The following ZNF212 variants were observed in gnomAD, a reference collection of about 807,000 sequenced individuals.
ZNF212 encodes the protein zinc finger protein 212.
A neutral mutation model predicts 47.3 loss-of-function variants in ZNF212; 32 were observed. The ratio of observed to expected loss-of-function variants is 0.68; its 90% CI spans 0.51 to 0.91. The LOEUF (loss-of-function observed/expected upper bound fraction) is 0.91, where lower values mean the gene tolerates loss of function less well. ZNF212 is among the 40% of genes least tolerant of loss of function. The pLI is 0.00. For missense variants in ZNF212, 555 were observed against 622.8 expected (o/e 0.89, Z 1.16); for synonymous variants, 242 against 253.8 (o/e 0.95, Z 0.44).
Position 149,239,794 on chromosome 7 carries a change from C to T in ZNF212, c.16C>T (p.Pro6Ser), listed in dbSNP as rs199599854. 23 of 1,273,914 alleles carry T rather than the reference C, an allele frequency of 1.8e-5. No individual in the cohort carries two copies. In the African/African-American group the frequency reaches 2.6e-4, roughly 14 times the overall value. 78.9% of individuals were successfully genotyped at this position (1,273,914 alleles called of 1,614,324 possible). Residue 6 changes from proline (P) to serine (S), a missense_variant, in exon 1 of 5, where the codon CCT (proline) becomes TCT (serine). Physicochemically the swap from Pro to Ser is moderately conservative, Grantham distance 74 (BLOSUM62 -1). Transcript: ENST00000335870. MAESA[P>S]ARHRRKRRST... ...GACTGGAGCCATGGCGGAGTCGGCG[C>T]CTGCTCGGGTAAAGAGGCACCGGCG...
intron 2 of ZNF212, 50 bp downstream of exon 2, chr7:149,250,598 T>A: frequency 6.2e-7 from 1 of 1,605,766 alleles, no homozygotes; most frequent in South Asian, 1.1e-5. Flanking sequence ...AGCCAGCCCT[T>A]TAATATGTAA....
At chr7:149,243,316 C>T (rs1327539058) in intron 1 of ZNF212, among the ~76,000 whole-genome samples, 1 of 151,700 alleles carries the variant, frequency 6.6e-6, no homozygotes, top group East Asian at 1.9e-4. Context: ...TGGCGTGAAC[C>T]CAGGAGGCGG....
intron 1 of ZNF212, among the ~76,000 whole-genome samples, chr7:149,240,596 T>C (rs1249586112): frequency 6.6e-6 from 1 of 152,206 alleles, no homozygotes; most frequent in Non-Finnish European, 1.5e-5. Flanking sequence ...CTAGATGATC[T>C]CCAAGGCTTT....
chr7:149,250,872 G>A (rs1585596083), intron 3 of ZNF212, 65 bp downstream of exon 3: 3 of 1,600,146 alleles, frequency 1.9e-6, no homozygotes, highest in East Asian at 4.5e-5. Context: ...CTGGCAGCCT[G>A]TAATTCAGAC....
chr7:149,241,715 G>T (rs1242785624), intron 1 of ZNF212, among the ~76,000 whole-genome samples: 1 of 152,172 alleles, frequency 6.6e-6, no homozygotes, highest in Non-Finnish European at 1.5e-5. Flanking sequence ...ATAGAGTTCT[G>T]AAGCCAACTT....
intron 1 of ZNF212, among the ~76,000 whole-genome samples, chr7:149,240,918 A>T (rs1796578619): frequency 6.6e-6 from 1 of 152,230 alleles, no homozygotes; most frequent in Admixed American, 6.5e-5. Flanking sequence ...TTTGCTTTCA[A>T]GGAAGTTAAC....
Position 149,254,197 on chromosome 7 carries a change from C to T in ZNF212, c.1270C>T (p.Arg424Trp), listed in dbSNP as rs542031669. ...LPGHIPWRKS[R>W]SSLICGYCGK... ...TGGCCACATCCCTTGGAGGAAAAGC[C>T]GGAGTTCCCTCATCTGTGGTTACTG... Residue 424 changes from arginine to tryptophan, a missense_variant, in exon 5 of 5, where the codon CGG (arginine) becomes TGG (tryptophan). Coordinates refer to ENST00000335870, the MANE Select transcript of ZNF212 (RefSeq NM_012256.4). This position sits in a 1 kb window ranked among gnomAD's most constrained non-coding sequence, Gnocchi z 4.5. 1.3e-5 allele frequency: 21 copies of T among 1,614,252 alleles called. No individual in the cohort carries two copies. The highest frequency in any genetic ancestry group is 1.6e-4 in the Middle Eastern group (1 of 6,062).
chr7:149,254,637 C>A lies in ZNF212; in HGVS notation c.*222C>A. Reference sequence around the variant, plus strand: ...CTGCCAAGTTTGCTGTTTCTTGGCACCTTCAGGTCTCTGGTTTTCTCATTC... The same window carrying A: ...CTGCCAAGTTTGCTGTTTCTTGGCAACTTCAGGTCTCTGGTTTTCTCATTC... On this transcript the variant is annotated 3_prime_UTR_variant, in exon 5 of 5. Coordinates refer to ENST00000335870, the MANE Select transcript of ZNF212 (RefSeq NM_012256.4). This position sits in a 1 kb window ranked among gnomAD's most constrained non-coding sequence, Gnocchi z 4.5. 1.6e-6 allele frequency: 1 copy of A among 620,138 alleles called. No homozygotes were observed. The highest frequency in any genetic ancestry group is 2.6e-6 in the Non-Finnish European group (1 of 387,674). The allele number at this position is 620,138 out of a possible 1,614,324, so 38.4% of individuals were successfully genotyped here. A position where few individuals can be genotyped will look rare whatever the true frequency, so the allele number is the denominator to read the frequency against.
intron 4 of ZNF212, 42 bp downstream of exon 4, chr7:149,252,837 C>T (rs1399542954): frequency 6.3e-7 from 1 of 1,596,892 alleles, no homozygotes; most frequent in Non-Finnish European, 8.6e-7. Flanking sequence ...CCATAGCCCT[C>T]TGTAGCCTAG....
chr7:149,253,803 T>C lies in ZNF212; in HGVS notation c.876T>C (p.Ser292=), dbSNP rs1476415438. ...CTGTGGGCTGCCCGAAGCAGAAATC[T>C]CATAGGCAGGTACAGCTGGACCAGG... ...SRTVGCPKQK[S]HRQVQLDQEC... is the part of the protein sequence containing the mutation. Residue 292 remains serine, a synonymous_variant, in exon 5 of 5, where the codon TCT becomes TCC. Coordinates refer to ENST00000335870, the MANE Select transcript of ZNF212 (RefSeq NM_012256.4). 6.2e-7 allele frequency: 1 copy of C among 1,613,942 alleles called. No homozygotes were observed. Among genetic ancestry groups the C allele is most frequent in the Non-Finnish European group, 8.5e-7 (1 of 1,179,960 alleles).
rs932211279 is a variant in ZNF212 at position 149,239,750 on chromosome 7, G to C, written c.-29G>C. The stretch of plus-strand genomic sequence containing the variant: ...ACGCAGCACGGGGGCTCCGAGGCGG[G>C]GTCTGGGTGTTGAGGGGCGACTGGA... On this transcript the variant is annotated 5_prime_UTR_variant, in exon 1 of 5. Transcript: ENST00000335870. The C allele has an allele frequency of 7.8e-7, 1 of 1,278,974 alleles. No homozygotes were observed. Among genetic ancestry groups the C allele is most frequent in the African/African-American group, 1.5e-5 (1 of 65,508 alleles). The allele number at this position is 1,278,974 out of a possible 1,614,324, so 79.2% of individuals were successfully genotyped here.
At position 149,250,750 on chromosome 7, in the gene ZNF212, C is replaced by T. The variant is rs1311954839; in HGVS notation, c.484C>T (p.Gln162Ter). Residue 162 changes from glutamine (Q) to a stop codon, truncating the protein, a stop_gained, in exon 3 of 5, where the codon CAG becomes TAG. Transcript: ENST00000335870. LOFTEE classifies it high-confidence loss of function. Reference protein sequence around the residue: ...EQEWENLEDWQKELYRNVMES... With the variant: ...EQEWENLEDW ...GGAATGGGAGAATCTGGAGGATTGG[C>T]AGAAGGAGCTCTACAGAAACGTGAT... is the stretch of plus-strand genomic sequence containing the variant. The T allele has an allele frequency of 6.2e-7, 1 of 1,614,068 alleles. No homozygotes were observed. Among genetic ancestry groups the T allele is most frequent in the Non-Finnish European group, 8.5e-7 (1 of 1,180,048 alleles).
Position 149,253,966 on chromosome 7 carries a change from G to A in ZNF212, c.1039G>A (p.Glu347Lys), listed in dbSNP as rs1258495254. 6.2e-7 allele frequency: 1 copy of A among 1,613,862 alleles called. No individual in the cohort carries two copies. Among genetic ancestry groups the A allele is most frequent in the Non-Finnish European group, 8.5e-7 (1 of 1,179,976 alleles). ...CTCTGGGTGGGGGTCTTGTACACCT[G>A]AGGAGCCAGAGGAGAGCCTTAGGCC... The part of the protein sequence containing the change: ...SHSGWGSCTP[E>K]EPEESLRPRP... The change falls in exon 5 of 5, where the codon GAG (glutamate) becomes AAG (lysine). Residue 347 changes from glutamate (E) to lysine (K), a missense_variant. Glu to Lys is a moderately conservative substitution (Grantham distance 56). Coordinates refer to ENST00000335870, the MANE Select transcript of ZNF212 (RefSeq NM_012256.4).
chr7:149,250,350 C>A lies in ZNF212; in HGVS notation c.216C>A (p.Ala72=), dbSNP rs766669626. The part of the protein sequence containing the change: ...LQSLEGRTGT[A]EKKLADCEKM... The stretch of plus-strand genomic sequence containing the variant: ...GCCTGGAGGGGCGCACGGGGACAGC[C>A]GAGAAGAAGCTGGCTGACTGCGAGA... The change falls in exon 2 of 5, where the codon GCC becomes GCA. Residue 72 remains alanine, a synonymous_variant. Transcript: ENST00000335870. 6.2e-7 allele frequency: 1 copy of A among 1,613,964 alleles called. No individual in the cohort carries two copies. The highest frequency in any genetic ancestry group is 1.3e-5 in the African/African-American group (1 of 74,878).
chr7:149,250,231 T>G lies in ZNF212; in HGVS notation c.97T>G (p.Tyr33Asp), dbSNP rs775536625. 9.5e-6 allele frequency: 15 copies of G among 1,571,174 alleles called. No individual in the cohort carries two copies. The highest frequency in any genetic ancestry group is 4.3e-6 in the Non-Finnish European group (5 of 1,161,304). The change falls in exon 2 of 5, where the codon TAT becomes GAT. Residue 33 changes from tyrosine (Y) to aspartate (D), a missense_variant. Tyr to Asp is a radical substitution (Grantham distance 160). Transcript: ENST00000335870. Reference protein sequence around the residue: ...LPSQATEKSSYFQTTEISLWT... With the variant: ...LPSQATEKSSDFQTTEISLWT... ...TTCACAAGCAACAGAGAAAAGCTCC[T>G]ATTTTCAGACCACCGAGATTTCACT...
chr7:149,246,589 T>G (rs1796680951), intron 1 of ZNF212, among the ~76,000 whole-genome samples: 1 of 152,144 alleles, frequency 6.6e-6, no homozygotes, highest in African/African-American at 2.4e-5. Context: ...GGTTTCACCA[T>G]GTTAGCCAGG....
chr7:149,253,110 G>A (rs924501952), intron 4 of ZNF212, among the ~76,000 whole-genome samples: 1 of 152,146 alleles, frequency 6.6e-6, no homozygotes, highest in Non-Finnish European at 1.5e-5. Context: ...AGGGAAGGCA[G>A]TGCAGGAAAA....
chr7:149,249,178 G>A (rs1349062693), intron 1 of ZNF212, among the ~76,000 whole-genome samples: 1 of 152,188 alleles, frequency 6.6e-6, no homozygotes, highest in Non-Finnish European at 1.5e-5. Flanking sequence ...CCTACTGTCA[G>A]AGACAGCTCA....
intron 1 of ZNF212, among the ~76,000 whole-genome samples, chr7:149,243,086 C>T (rs1345862846): frequency 6.6e-6 from 1 of 152,116 alleles, no homozygotes; most frequent in Non-Finnish European, 1.5e-5. Context: ...AAAAATCCAA[C>T]TAGATGGTTT....
Sources: gnomAD v4.1 joint callset for allele counts (sites outside exome capture counted in the v4.1 genomes callset) on GRCh38, gnomAD v4.1.1 for gene constraint, Gnocchi (gnomAD v3.1) non-coding constraint, MANE v1.5 for transcripts, NCBI Gene and HGNC (gene_info 2026-07-23, HGNC 2026-07-21) for gene names.